TEX52: variants seen among roughly 807,000 people sequenced by gnomAD.
TEX52 encodes the protein testis expressed 52, also known as testis-expressed protein 52.
TEX52 carries 22 observed loss-of-function variants against 17.6 expected under a neutral mutation model. The observed-to-expected ratio is 1.25, with a 90% CI of 0.89 to 1.78. The LOEUF (loss-of-function observed/expected upper bound fraction) is 1.78, where lower values mean the gene tolerates loss of function less well. Ranked by LOEUF, TEX52 falls within the 40% of genes most tolerant of loss-of-function variation. The probability of loss-of-function intolerance (pLI) is 0.00; values close to 1 mark genes in which losing one functional copy is unlikely to be tolerated. For synonymous variants in TEX52, 168 were observed against 147.4 expected (o/e 1.14, Z -1.01); for missense variants, 396 against 372.3 (o/e 1.06, Z -0.52).
chr12:2,854,423 A>G (rs1460835664), intron 2 of TEX52, among the ~76,000 whole-genome samples: 1 of 152,166 alleles, frequency 6.6e-6, no homozygotes, highest in Non-Finnish European at 1.5e-5. Context: ...TTCATCGGTG[A>G]GGGAGCTGAG....
Position 2,855,110 on chromosome 12 carries a change from G to A in TEX52, c.409C>T (p.His137Tyr), listed in dbSNP as rs1461282285. Reference sequence around the variant, plus strand: ...ATCCAGGAGGGAGGGGGGATGGGGTGCTCCGTGGGGGGGCATCTGTGGGCA... The same window carrying A: ...ATCCAGGAGGGAGGGGGGATGGGGTACTCCGTGGGGGGGCATCTGTGGGCA... ...SNAHRCPPTE[H>Y]PIPPPSWMGQ... The change falls in exon 2 of 3, where the codon CAC becomes TAC. Residue 137 changes from histidine to tyrosine, a missense_variant. His to Tyr is a moderately conservative substitution (Grantham distance 83). Coordinates refer to ENST00000637658, the MANE Select transcript of TEX52 (RefSeq NM_001365174.2). 13 of 1,533,608 alleles carry A rather than the reference G, an allele frequency of 8.5e-6. No individual in the cohort carries two copies. Among genetic ancestry groups the A allele is most frequent in the Non-Finnish European group, 9.6e-6 (11 of 1,145,084 alleles).
rs1057310764 is a variant in TEX52 at position 2,854,955 on chromosome 12, C to T, written c.564G>A (p.Glu188=). The change falls in exon 2 of 3, where the codon GAG becomes GAA. Residue 188 remains glutamate (E), a synonymous_variant. Coordinates refer to ENST00000637658, the MANE Select transcript of TEX52 (RefSeq NM_001365174.2). ...KEVEKLKLRS[E]ARAPPLDAQG... ...GGGCATCGAGTGGGGGTGCTCTTGC[C>T]TCACTCCTCAACTTGAGCTTCTCCA... 3 of 1,536,188 alleles carry T rather than the reference C, an allele frequency of 2.0e-6. No individual in the cohort carries two copies. The highest frequency in any genetic ancestry group is 2.6e-6 in the Non-Finnish European group (3 of 1,146,934).
At chr12:2,851,642 C>T (rs761695020) in intron 2 of TEX52, among the ~76,000 whole-genome samples, 25 of 151,854 alleles carry the variant, frequency 1.6e-4, no homozygotes, top group Non-Finnish European at 2.4e-4. Flanking sequence ...CACGCCCGGC[C>T]GCTAAATTTG....
chr12:2,850,653 T>TTTTTGTTTTGTTTTGTTTTG (rs150335236), intron 2 of TEX52, among the ~76,000 whole-genome samples: 2 of 97,630 alleles, frequency 2.0e-5, no homozygotes, highest in African/African-American at 1.2e-4. Context: ...AGAGTCTTTG[T>TTTTTGTTTTGTTTTGTTTTG]TTTTGTTTTG....
chr12:2,850,446 C>G (rs1270155612), intron 2 of TEX52, among the ~76,000 whole-genome samples: 3 of 146,164 alleles, frequency 2.1e-5, no homozygotes, highest in Non-Finnish European at 4.5e-5. Context: ...CCACTGCACT[C>G]CAGCCTGGGC....
downstream of TEX52, among the ~76,000 whole-genome samples, chr12:2,848,864 C>T (rs1257185894): frequency 1.5e-5 from 2 of 136,890 alleles, no homozygotes; most frequent in Non-Finnish European, 3.1e-5. Context: ...CCCACCCCAA[C>T]AGACACACAC....
chr12:2,855,592 T>C, intron 1 of TEX52, 146 bp from the exon 2 acceptor site: 1 of 523,150 alleles, frequency 1.9e-6, no homozygotes, highest in Non-Finnish European at 3.2e-6. Flanking sequence ...CAGGGCCGCA[T>C]CTCCATCCCT....
chr12:2,852,639 A>G (rs1023337967), intron 2 of TEX52, among the ~76,000 whole-genome samples: 1 of 151,962 alleles, frequency 6.6e-6, no homozygotes, highest in Admixed American at 6.6e-5. Context: ...TGTTGGGATT[A>G]CAGGCATGAA....
intron 2 of TEX52, among the ~76,000 whole-genome samples, chr12:2,850,947 C>T (rs1015476380): frequency 6.7e-6 from 1 of 148,276 alleles, no homozygotes; most frequent in African/African-American, 2.5e-5. Flanking sequence ...GCTGAGATTA[C>T]AAGCATGAGC....
Position 2,853,750 on chromosome 12 carries a change from G to T in TEX52, c.623+1146C>A, listed in dbSNP as rs537336525. Reference sequence around the variant, plus strand: ...GTTACTCTTGCATGCGTAGTGCCTGGGCTGGACACAGTTGGGAAGCATCCG... The same window carrying T: ...GTTACTCTTGCATGCGTAGTGCCTGTGCTGGACACAGTTGGGAAGCATCCG... On this transcript the variant is annotated intron_variant, in intron 2 of 2. Transcript: ENST00000637658. 5.9e-5 allele frequency among the ~76,000 whole-genome samples: 9 copies of T among 152,182 alleles called. No homozygotes were observed. In the South Asian group the frequency reaches 1.7e-3, roughly 28 times the overall value.
Position 2,849,305 on chromosome 12 carries a change from G to T in TEX52, c.844C>A (p.Leu282Ile). The change falls in exon 3 of 3, where the codon CTC becomes ATC. Residue 282 changes from leucine (L) to isoleucine (I), a missense_variant. Leu to Ile is a conservative substitution (Grantham distance 5). Transcript: ENST00000637658. ...TLIKDRTALP[L>I]HHLSKAQASK... Reference sequence around the variant, plus strand: ...GCTTGTGCCTTGGAGAGATGGTGGAGGGGTAAGGCAGTTCTGTCCTTTATC... The same window carrying T: ...GCTTGTGCCTTGGAGAGATGGTGGATGGGTAAGGCAGTTCTGTCCTTTATC... The T allele has an allele frequency of 6.5e-7, 1 of 1,536,150 alleles. No individual in the cohort carries two copies. Among genetic ancestry groups the T allele is most frequent in the East Asian group, 2.4e-5 (1 of 40,918 alleles).
intron 1 of TEX52, among the ~76,000 whole-genome samples, 163 bp from the exon 2 acceptor site, chr12:2,855,609 C>A (rs539865528): frequency 2.6e-4 from 40 of 152,328 alleles, no homozygotes; most frequent in African/African-American, 9.6e-4. Flanking sequence ...CCCTCTCCTT[C>A]CCGGCGGAAG....
intron 1 of TEX52, among the ~76,000 whole-genome samples, chr12:2,855,723 CTT>C (rs1266041485): frequency 6.6e-6 from 1 of 152,188 alleles, no homozygotes; most frequent in Non-Finnish European, 1.5e-5. Context: ...AGCTTTCACT[CTT>C]TACCTTCACC....
rs1412124467 is a variant in TEX52 at position 2,854,941 on chromosome 12, G to T, written c.578C>A (p.Pro193Gln). ...LKLRSEARAPPLDAQGNIQPP... is the reference protein window; with the variant it reads ...LKLRSEARAPQLDAQGNIQPP... ...CTGGATGTTGCCCTGGGCATCGAGT[G>T]GGGGTGCTCTTGCCTCACTCCTCAA... The change falls in exon 2 of 3, where the codon CCA becomes CAA. Residue 193 changes from proline (P) to glutamine (Q), a missense_variant. Physicochemically the swap from Pro to Gln is moderately conservative, Grantham distance 76. Coordinates refer to ENST00000637658, the MANE Select transcript of TEX52 (RefSeq NM_001365174.2). 5.2e-6 allele frequency: 8 copies of T among 1,535,966 alleles called. No homozygotes were observed. Among genetic ancestry groups the T allele is most frequent in the African/African-American group, 4.1e-5 (3 of 72,978 alleles).
chr12:2,850,677 TG>T (rs1255802903), intron 2 of TEX52, among the ~76,000 whole-genome samples: 12 of 151,782 alleles, frequency 7.9e-5, no homozygotes, highest in South Asian at 2.1e-4. Flanking sequence ...TGTTTTGTTT[TG>T]TTTTGTTTTG....
chr12:2,847,890 A>G (rs374881782), downstream of TEX52, among the ~76,000 whole-genome samples: 15 of 152,050 alleles, frequency 9.9e-5, no homozygotes, highest in African/African-American at 3.1e-4. Context: ...TCAATACTCA[A>G]TTTCTTTTTA....
chr12:2,851,318 A>T (rs2098070214), intron 2 of TEX52, among the ~76,000 whole-genome samples: 1 of 152,092 alleles, frequency 6.6e-6, no homozygotes, highest in Non-Finnish European at 1.5e-5. Flanking sequence ...GACTTCATAA[A>T]CACTACATGA....
rs2098061820 is a variant in TEX52 at position 2,849,136 on chromosome 12, T to C, written c.*95A>G. The C allele has an allele frequency of 7.5e-7, 1 of 1,334,864 alleles. No individual in the cohort carries two copies. The highest frequency in any genetic ancestry group is 9.9e-7 in the Non-Finnish European group (1 of 1,005,062). The allele number at this position is 1,334,864 out of a possible 1,614,324, so 82.7% of individuals were successfully genotyped here. Reference sequence around the variant, plus strand: ...GCTGTTCTGCAGAAGCCAGAGTCCTTTTGCTACCCCAGGGCCTCTTGCTGA... The same window carrying C: ...GCTGTTCTGCAGAAGCCAGAGTCCTCTTGCTACCCCAGGGCCTCTTGCTGA... On this transcript the variant is annotated 3_prime_UTR_variant, in exon 3 of 3. Coordinates refer to ENST00000637658, the MANE Select transcript of TEX52 (RefSeq NM_001365174.2).
chr12:2,855,064 G>A lies in TEX52; in HGVS notation c.455C>T (p.Thr152Ile), dbSNP rs2098082966. 6.5e-7 allele frequency: 1 copy of A among 1,536,080 alleles called. No individual in the cohort carries two copies. The highest frequency in any genetic ancestry group is 8.7e-7 in the Non-Finnish European group (1 of 1,146,904). Residue 152 changes from threonine to isoleucine, a missense_variant, in exon 2 of 3, where the codon ACC becomes ATC. Physicochemically the swap from Thr to Ile is moderately conservative, Grantham distance 89. Transcript: ENST00000637658. ...PSWMGQNSFL[T>I]FIHCYPTFVD... The stretch of plus-strand genomic sequence containing the variant: ...AAACGTGGGATAACAGTGGATGAAG[G>A]TCAGGAAGCTGTTTTGCCCCATCCA...
Sources: allele counts gnomAD v4.1 joint callset (sites outside exome capture counted in the v4.1 genomes callset), GRCh38; gene constraint gnomAD v4.1.1; transcripts MANE v1.5; gene names NCBI Gene and HGNC (gene_info 2026-07-23, HGNC 2026-07-21).